Variants in RP1 observed in about 807,000 individuals in gnomAD.
RP1 encodes oxygen-regulated protein 1.
Under a neutral mutation model 14.8 loss-of-function variants are expected in RP1, and 16 were observed. The observed-to-expected ratio is 1.08, with a 90% CI of 0.73 to 1.65. RP1 has a LOEUF of 1.65. Ranked by LOEUF, RP1 falls within the 40% of genes most tolerant of loss-of-function variation. RP1 has a pLI of 0.00. For missense variants in RP1, 2,631 were observed against 2,535.0 expected (o/e 1.04, Z -0.81); for synonymous variants, 876 against 883.6 (o/e 0.99, Z 0.15).
rs373083553 is a variant in RP1 at position 54,628,279 on chromosome 8, A to T, written c.4397A>T (p.Glu1466Val). ...AGTGAAAGAAACATTTCAGAATTGGAATCTTTTGAAGAATTAGAAAACCAT... is the reference window on the plus strand; with the variant it reads ...AGTGAAAGAAACATTTCAGAATTGGTATCTTTTGAAGAATTAGAAAACCAT... Reference protein sequence around the residue: ...TSSERNISELESFEELENHDT... With the variant: ...TSSERNISELVSFEELENHDT... The change falls in exon 4 of 4, where the codon GAA (glutamate) becomes GTA (valine). Residue 1466 changes from glutamate (E) to valine (V), a missense_variant. Physicochemically the swap from Glu to Val is moderately radical, Grantham distance 121 (BLOSUM62 -2). Coordinates refer to ENST00000220676, the MANE Select transcript of RP1 (RefSeq NM_006269.2). The T allele has an allele frequency of 3.0e-5, 48 of 1,613,854 alleles. No individual in the cohort carries two copies. In the African/African-American group the frequency reaches 6.3e-4, roughly 21 times the overall value.
chr8:54,748,685 A>G (rs1293365437), intron 19 of RP1, among the ~76,000 whole-genome samples: 1 of 152,240 alleles, frequency 6.6e-6, no homozygotes, highest in African/African-American at 2.4e-5. Context: ...CAAAGAAAAT[A>G]CTAATGACTG....
chr8:54,725,640 A>T (rs1159401397), intron 16 of RP1, among the ~76,000 whole-genome samples: 1 of 152,194 alleles, frequency 6.6e-6, no homozygotes, highest in African/African-American at 2.4e-5. Context: ...TATCTTATAG[A>T]ATCAGAAATT....
intron 1 of RP1, among the ~76,000 whole-genome samples, chr8:54,588,772 G>T (rs866906406): frequency 2.0e-5 from 3 of 152,100 alleles, no homozygotes; most frequent in Non-Finnish European, 4.4e-5. Context: ...TTTGCTTTTC[G>T]GCTTTTGTTC....
Position 54,626,735 on chromosome 8 carries a change from T to G in RP1, c.2853T>G (p.Ser951Arg). 6.2e-7 allele frequency: 1 copy of G among 1,613,944 alleles called. No homozygotes were observed. The highest frequency in any genetic ancestry group is 8.5e-7 in the Non-Finnish European group (1 of 1,179,952). ...GTGTGGTAAATTGTAGCAATAATAG[T>G]TTTTCAGGGAATGATCCCCATACAA... is the stretch of plus-strand genomic sequence containing the variant. ...ETSVVNCSNN[S>R]FSGNDPHTNS... is the part of the protein sequence containing the mutation. The change falls in exon 4 of 4, where the codon AGT becomes AGG. Residue 951 changes from serine to arginine, a missense_variant. Ser to Arg is a moderately radical substitution (Grantham distance 110). Transcript: ENST00000220676.
chr8:54,781,377 C>T (rs1296021570), intron 23 of RP1, among the ~76,000 whole-genome samples: 1 of 151,928 alleles, frequency 6.6e-6, no homozygotes, highest in African/African-American at 2.4e-5. Context: ...GATATGAGTC[C>T]TTGGGGTTGA....
intron 16 of RP1, among the ~76,000 whole-genome samples, chr8:54,725,098 C>T (rs962458550): frequency 2.6e-5 from 4 of 152,140 alleles, no homozygotes. Context: ...ATGTCAGAAG[C>T]CATTTCTTAT....
intron 22 of RP1, among the ~76,000 whole-genome samples, chr8:54,761,295 G>C (rs908009987): frequency 7.1e-6 from 1 of 140,254 alleles, no homozygotes. Flanking sequence ...GGAGTGCAGT[G>C]ACTCAATCTC....
chr8:54,791,255 C>T (rs1331180909), intron 24 of RP1, among the ~76,000 whole-genome samples: 1 of 152,016 alleles, frequency 6.6e-6, no homozygotes, highest in African/African-American at 2.4e-5. Context: ...CCAAACTTGT[C>T]CTTCAGAAAT....
intron 12 of RP1, among the ~76,000 whole-genome samples, chr8:54,688,300 G>T (rs1248475346): frequency 1.3e-5 from 2 of 152,146 alleles, no homozygotes; most frequent in Non-Finnish European, 2.9e-5. Flanking sequence ...TTGCTGCACA[G>T]AAGCTCTTTA....
At chr8:54,807,677 T>TCAC (rs1810890143) in intron 24 of RP1, among the ~76,000 whole-genome samples, 1 of 150,796 alleles carries the variant, frequency 6.6e-6, no homozygotes, top group Non-Finnish European at 1.5e-5. Context: ...TATCTATCTA[T>TCAC]TTATCTATCT....
intron 1 of RP1, among the ~76,000 whole-genome samples, chr8:54,577,706 C>T (rs115338034): frequency 0.026 from 4,030 of 152,096 alleles, 155 homozygotes; most frequent in African/African-American, 0.083. Context: ...CTGTGATATC[C>T]TCCTCATATT....
At chr8:54,608,553 T>C (rs184007927) in intron 1 of RP1, among the ~76,000 whole-genome samples, 1 of 152,064 alleles carries the variant, frequency 6.6e-6, no homozygotes, top group East Asian at 1.9e-4. Context: ...TTCAACATGG[T>C]AAAAAAAGAA....
In RP1 at chr8:54,626,657, A is replaced by G. The variant is rs1806061848; in HGVS notation, c.2775A>G (p.Pro925=). Residue 925 remains proline, a synonymous_variant, in exon 4 of 4, where the codon CCA becomes CCG. Coordinates refer to ENST00000220676, the MANE Select transcript of RP1 (RefSeq NM_006269.2). ...YIQSWLQNIN[P]YPTLKPIKSA... is the part of the protein sequence containing the mutation. Reference sequence around the variant, plus strand: ...AGAGTTGGTTGCAGAACATAAATCCATATCCAACTTTAAAGCCTATAAAAT... The same window carrying G: ...AGAGTTGGTTGCAGAACATAAATCCGTATCCAACTTTAAAGCCTATAAAAT... 4 of 1,613,960 alleles carry G rather than the reference A, an allele frequency of 2.5e-6. No homozygotes were observed. The highest frequency in any genetic ancestry group is 1.7e-5 in the Admixed American group (1 of 60,012).
At chr8:54,618,933 T>C (rs1173315329) in intron 1 of RP1, among the ~76,000 whole-genome samples, 1 of 152,234 alleles carries the variant, frequency 6.6e-6, no homozygotes, top group Non-Finnish European at 1.5e-5. Context: ...AGTGCTGGGA[T>C]TGCACGTGTG....
exon 20 of RP1, chr8:54,754,898 G>A (rs1809461723): frequency 1.3e-6 from 2 of 1,527,290 alleles, no homozygotes; most frequent in African/African-American, 2.7e-5. Context: ...TTGTCTGTGA[G>A]CTTCCTGTAG....
At chr8:54,787,651 T>C (rs375517210) in intron 24 of RP1, among the ~76,000 whole-genome samples, 65 of 152,334 alleles carry the variant, frequency 4.3e-4, no homozygotes, top group African/African-American at 1.5e-3. Flanking sequence ...GCTTATGCCG[T>C]TCACTCCTAG....
intron 24 of RP1, among the ~76,000 whole-genome samples, chr8:54,821,896 A>G (rs2131667): frequency 0.35 from 53,921 of 152,022 alleles, 9,690 homozygotes; most frequent in Non-Finnish European, 0.38. Context: ...GGATTGGTCT[A>G]GAATATCCTT....
intron 1 of RP1, among the ~76,000 whole-genome samples, chr8:54,593,081 C>T (rs1805075523): frequency 6.6e-6 from 1 of 152,118 alleles, no homozygotes; most frequent in South Asian, 2.1e-4. Context: ...GTGCCTATCC[C>T]ATGATTAGTT....
chr8:54,791,706 C>T (rs1810469709), intron 24 of RP1, among the ~76,000 whole-genome samples: 2 of 151,868 alleles, frequency 1.3e-5, no homozygotes, highest in African/African-American at 4.8e-5. Flanking sequence ...AAGAATAAAC[C>T]TGCAGTAGAT....
Sources: allele counts gnomAD v4.1 joint callset (sites outside exome capture counted in the v4.1 genomes callset), GRCh38; gene constraint gnomAD v4.1.1; transcripts MANE v1.5; gene names NCBI Gene and HGNC (gene_info 2026-07-23, HGNC 2026-07-21).